Variants in PTH1R observed in about 807,000 individuals in gnomAD.
The protein encoded by PTH1R is parathyroid hormone/parathyroid hormone-related peptide receptor.
In PTH1R, 32 loss-of-function variants were observed where a neutral mutation model predicts 70.7. The ratio of observed to expected loss-of-function variants is 0.45; its 90% CI spans 0.34 to 0.61. PTH1R has a LOEUF of 0.61. Among genes scored for constraint, PTH1R ranks in the 20% least tolerant of loss-of-function variants. The pLI, the probability that PTH1R is intolerant of heterozygous loss-of-function variation, is 0.01. For synonymous variants in PTH1R, 329 were observed against 324.8 expected, an observed-to-expected ratio of 1.01 and a Z score of -0.14; for missense variants, 626 against 792.5, an observed-to-expected ratio of 0.79 and a Z score of 2.52.
Position 46,898,088 on chromosome 3 carries a change from C to T in PTH1R, c.439C>T (p.Arg147Cys), listed in dbSNP as rs1323321129. The stretch of plus-strand genomic sequence containing the variant: ...TGGACCTGCAGGCCATGCCTACCGA[C>T]GCTGTGACCGCAATGGCAGCTGGGA... ...DFNHKGHAYRRCDRNGSWELV... is the reference protein window; with the variant it reads ...DFNHKGHAYRCCDRNGSWELV... The change falls in exon 7 of 16, where the codon CGC becomes TGC. Residue 147 changes from arginine (R) to cysteine (C), a missense_variant. Physicochemically the swap from Arg to Cys is radical, Grantham distance 180 (BLOSUM62 -3). This residue lies in a region of PTH1R where 495 missense variants were observed against 638.7 expected (regional missense o/e 0.77). Coordinates refer to ENST00000449590, the MANE Select transcript of PTH1R (RefSeq NM_000316.3). The T allele has an allele frequency of 7.4e-6, 12 of 1,614,110 alleles. No homozygotes were observed. Among genetic ancestry groups the T allele is most frequent in the South Asian group, 2.2e-5 (2 of 91,090 alleles).
chr3:46,891,157 C>G lies in PTH1R; in HGVS notation c.76-2750C>G, dbSNP rs755244250. On this transcript the variant is annotated intron_variant, in intron 3 of 15. Transcript: ENST00000449590. This position sits in a 1 kb window ranked among gnomAD's most constrained non-coding sequence, Gnocchi z 4.3. ...AGGGAGGCCAGAGGTGGGGCCACCA[C>G]CCCTATGGATGAATGAAGGAGTGTG... Among the ~76,000 whole-genome samples the G allele has an allele frequency of 6.6e-6, 1 of 152,270 alleles. No individual in the cohort carries two copies. The highest frequency in any genetic ancestry group is 2.4e-5 in the African/African-American group (1 of 41,478).
At position 46,902,764 on chromosome 3, in the gene PTH1R, A is replaced by T; in HGVS notation, c.1369A>T (p.Ile457Phe). The change falls in exon 15 of 16, where the codon ATC (isoleucine) becomes TTC (phenylalanine). Residue 457 changes from isoleucine (I) to phenylalanine (F), a missense_variant. Physicochemically the swap from Ile to Phe is conservative, Grantham distance 21. Coordinates refer to ENST00000449590, the MANE Select transcript of PTH1R (RefSeq NM_000316.3). This position sits in a 1 kb window ranked among gnomAD's most constrained non-coding sequence, Gnocchi z 5.4. ...FNSFQGFFVA[I>F]IYCFCNGEVQ... ...CTCTTCACAGGGATTTTTTGTCGCA[A>T]TCATATACTGTTTCTGCAATGGCGA... 1 of 1,613,738 alleles carries T rather than the reference A, an allele frequency of 6.2e-7. No homozygotes were observed. The highest frequency in any genetic ancestry group is 8.5e-7 in the Non-Finnish European group (1 of 1,179,976).
In PTH1R at chr3:46,903,775, A is replaced by G; in HGVS notation, c.*119A>G. 1 of 1,497,282 alleles carries G rather than the reference A, an allele frequency of 6.7e-7. No individual in the cohort carries two copies. The highest frequency in any genetic ancestry group is 9.0e-7 in the Non-Finnish European group (1 of 1,116,280). 92.7% of individuals were successfully genotyped at this position (1,497,282 alleles called of 1,614,324 possible). A position where few individuals can be genotyped will look rare whatever the true frequency, so the allele number is the denominator to read the frequency against. On this transcript the variant is annotated 3_prime_UTR_variant, in exon 16 of 16. Coordinates refer to ENST00000449590, the MANE Select transcript of PTH1R (RefSeq NM_000316.3). The surrounding 1 kb of genome is among the most constrained non-coding windows in gnomAD (Gnocchi z 4.4). Reference sequence around the variant, plus strand: ...AAGAGGAAAAACAGGGAAAAAAAGAAAAAAAAAAGAAAAAGGAAAAGGAAG... The same window carrying G: ...AAGAGGAAAAACAGGGAAAAAAAGAGAAAAAAAAGAAAAAGGAAAAGGAAG...
chr3:46,894,113 G>A (rs1040497580), intron 4 of PTH1R, 104 bp downstream of exon 4: 3 of 1,232,470 alleles, frequency 2.4e-6, no homozygotes, highest in African/African-American at 1.5e-5. Flanking sequence ...CTCTGTGGGG[G>A]CGGACTTAGG....
chr3:46,888,210 T>C (rs2031160468), intron 3 of PTH1R, among the ~76,000 whole-genome samples: 1 of 152,268 alleles, frequency 6.6e-6, no homozygotes, highest in Non-Finnish European at 1.5e-5. Flanking sequence ...CAGTGACTTC[T>C]GGGCTTTACA....
In PTH1R at chr3:46,882,982, C is replaced by T. The variant is rs1026801251; in HGVS notation, c.-48-530C>T. Among the ~76,000 whole-genome samples, 4 of 151,932 alleles carry T rather than the reference C, an allele frequency of 2.6e-5. No homozygotes were observed. Among genetic ancestry groups the T allele is most frequent in the Non-Finnish European group, 1.5e-5 (1 of 67,950 alleles). ...CCCTAACTGCACGCCCCGCGCGGCTCAGAACGCGCCCCCTGCCCGGCCCTG... is the reference window on the plus strand; with the variant it reads ...CCCTAACTGCACGCCCCGCGCGGCTTAGAACGCGCCCCCTGCCCGGCCCTG... On this transcript the variant is annotated intron_variant, in intron 2 of 15. Coordinates refer to ENST00000449590, the MANE Select transcript of PTH1R (RefSeq NM_000316.3). The surrounding 1 kb of genome is among the most constrained non-coding windows in gnomAD (Gnocchi z 4.3).
In PTH1R at chr3:46,884,093, G is replaced by A. The variant is rs1044047831; in HGVS notation, c.75+459G>A. On this transcript the variant is annotated intron_variant, in intron 3 of 15. Coordinates refer to ENST00000449590, the MANE Select transcript of PTH1R (RefSeq NM_000316.3). The surrounding 1 kb of genome is among the most constrained non-coding windows in gnomAD (Gnocchi z 4.8). ...ATCCAGGCAGGGGGTAGGATTTAGG[G>A]GCCCCCTCCAGCCCTCACACACACA... 7.2e-5 allele frequency among the ~76,000 whole-genome samples: 11 copies of A among 152,152 alleles called. No homozygotes were observed. Among genetic ancestry groups the A allele is most frequent in the African/African-American group, 2.2e-4 (9 of 41,434 alleles).
At chr3:46,899,990 G>A (rs1414226056) in intron 10 of PTH1R, among the ~76,000 whole-genome samples, 1 of 152,256 alleles carries the variant, frequency 6.6e-6, no homozygotes, top group East Asian at 1.9e-4. Context: ...GGTTGCTGGA[G>A]CTGCGCACTC....
chr3:46,895,271 C>T (rs546858984), intron 4 of PTH1R, among the ~76,000 whole-genome samples: 6 of 152,136 alleles, frequency 3.9e-5, no homozygotes, highest in African/African-American at 4.8e-5. Flanking sequence ...TGTCTTCTCA[C>T]CACCAGCTTC....
chr3:46,889,170 C>T (rs1274157947), intron 3 of PTH1R, among the ~76,000 whole-genome samples: 1 of 152,146 alleles, frequency 6.6e-6, no homozygotes, highest in Non-Finnish European at 1.5e-5. Context: ...TCCTGTTAGC[C>T]AGGGTTTTCT....
In PTH1R at chr3:46,902,317, G is replaced by A. The variant is rs117096847; in HGVS notation, c.1212-209G>A. ...ACAGGGGGACTGTCATTTGAAGTCC[G>A]CTCCGGGACACCGCTGAGAACCAAC... is the stretch of plus-strand genomic sequence containing the variant. On this transcript the variant is annotated intron_variant, in intron 13 of 15. Transcript: ENST00000449590. The surrounding 1 kb of genome is among the most constrained non-coding windows in gnomAD (Gnocchi z 5.4). Among the ~76,000 whole-genome samples, 122 of 152,278 alleles carry A rather than the reference G, an allele frequency of 8.0e-4. 1 individual carries two copies. In the East Asian group the frequency reaches 0.016, roughly 20 times the overall value.
intron 1 of PTH1R, among the ~76,000 whole-genome samples, 164 bp downstream of exon 1, chr3:46,878,007 G>A (rs1198734834): frequency 6.6e-6 from 1 of 152,220 alleles, no homozygotes; most frequent in Non-Finnish European, 1.5e-5. Flanking sequence ...GACAGCAGGG[G>A]GCTTGTAACC....
At chr3:46,890,496 C>CT (rs71619664) in intron 3 of PTH1R, among the ~76,000 whole-genome samples, 4,180 of 71,928 alleles carry the variant, frequency 0.058, 325 homozygotes, top group African/African-American at 0.14. Context: ...TTCACAGCAG[C>CT]TTTTTTTTTT....
At position 46,900,621 on chromosome 3, in the gene PTH1R, G is replaced by A. The variant is rs1277350171; in HGVS notation, c.989-404G>A. 2.0e-5 allele frequency among the ~76,000 whole-genome samples: 3 copies of A among 152,088 alleles called. No homozygotes were observed. In the East Asian group the frequency reaches 5.8e-4, roughly 29 times the overall value. On this transcript the variant is annotated intron_variant, in intron 10 of 15. Transcript: ENST00000449590. The stretch of plus-strand genomic sequence containing the variant: ...GGGCTAGGACCTTTCAAACCAGGTT[G>A]TGGGGGGTGCTGTGCTGGGGCAAAA...
rs1422969235 is a variant in PTH1R, at chr3:46,903,403, C to A, written c.1529C>A (p.Pro510His). The change falls in exon 16 of 16, where the codon CCC becomes CAC. Residue 510 changes from proline to histidine, a missense_variant. This residue lies in a region of PTH1R where 495 missense variants were observed against 638.7 expected (regional missense o/e 0.77). Coordinates refer to ENST00000449590, the MANE Select transcript of PTH1R (RefSeq NM_000316.3). This position sits in a 1 kb window ranked among gnomAD's most constrained non-coding sequence, Gnocchi z 4.4. ...VSHTSVTNVG[P>H]RVGLGLPLSP... is the part of the protein sequence containing the mutation. ...CACACAAGTGTGACCAATGTCGGCC[C>A]CCGTGTGGGACTCGGCCTGCCCCTC... is the stretch of plus-strand genomic sequence containing the variant. The A allele has an allele frequency of 6.2e-7, 1 of 1,613,416 alleles. No homozygotes were observed. The highest frequency in any genetic ancestry group is 8.5e-7 in the Non-Finnish European group (1 of 1,179,810).
chr3:46,882,304 C>T lies in PTH1R; in HGVS notation c.-49+1186C>T. The T allele has an allele frequency of 6.6e-6, 1 of 150,958 alleles. No homozygotes were observed. Among genetic ancestry groups the T allele is most frequent in the Non-Finnish European group, 1.5e-5 (1 of 67,582 alleles). The allele number at this position is 150,958 out of a possible 1,614,324, so 9.4% of individuals were successfully genotyped here. A position where few individuals can be genotyped will look rare whatever the true frequency, so the allele number is the denominator to read the frequency against. ...CGCGGCGGGCGGTGGCTCCGAGCGG[C>T]GGCCGGGCGGGGGGCGCTGGAGGCC... is the stretch of plus-strand genomic sequence containing the variant. On this transcript the variant is annotated intron_variant, in intron 2 of 15. Coordinates refer to ENST00000449590, the MANE Select transcript of PTH1R (RefSeq NM_000316.3). The surrounding 1 kb of genome is among the most constrained non-coding windows in gnomAD (Gnocchi z 4.3).
chr3:46,901,531 C>G lies in PTH1R; in HGVS notation c.1116+51C>G, dbSNP rs776022941. The G allele has an allele frequency of 6.5e-7, 1 of 1,546,478 alleles. No homozygotes were observed. Among genetic ancestry groups the G allele is most frequent in the African/African-American group, 1.4e-5 (1 of 73,116 alleles). ...CAGGGGTGGGTGGGATGTGCGCCTG[C>G]GTCCCCTGGAACCAGCCCCTGACAG... On this transcript the variant is annotated intron_variant, in intron 12 of 15. Transcript: ENST00000449590. The surrounding 1 kb of genome is among the most constrained non-coding windows in gnomAD (Gnocchi z 7.3).
intron 10 of PTH1R, 110 bp downstream of exon 10, chr3:46,899,566 G>A: frequency 7.2e-7 from 1 of 1,389,578 alleles, no homozygotes; most frequent in Non-Finnish European, 9.8e-7. Flanking sequence ...CGCCCCAAGT[G>A]GAACAGCAGG....
rs1476747452 is a variant in PTH1R, at chr3:46,895,068, AAAAAAAC to A, written c.179-660_179-654del. Among the ~76,000 whole-genome samples, 31 of 105,822 alleles carry A rather than the reference AAAAAAAC, an allele frequency of 2.9e-4. No individual in the cohort carries two copies. The South Asian group carries it at 0.01, about 35-fold the overall frequency. The allele number at this position is 105,822 out of a possible 152,430, so 69.4% of individuals were successfully genotyped here. A position where few individuals can be genotyped will look rare whatever the true frequency, so the allele number is the denominator to read the frequency against. On this transcript the variant is annotated intron_variant, in intron 4 of 15. Coordinates refer to ENST00000449590, the MANE Select transcript of PTH1R (RefSeq NM_000316.3). Reference sequence around the variant, plus strand: ...GATAGAGGGAGACCTTGTCTCAAAAAAAAAAACAAAAAAAACAAACAAACAAAAAAAA... The same window carrying A: ...GATAGAGGGAGACCTTGTCTCAAAAAAAAAAAAACAAACAAACAAAAAAAA...
Sources: allele counts gnomAD v4.1 joint callset (sites outside exome capture counted in the v4.1 genomes callset), GRCh38; gene constraint gnomAD v4.1.1; regional missense constraint gnomAD v4.1.1; non-coding constraint Gnocchi (gnomAD v3.1); transcripts MANE v1.5; gene names NCBI Gene and HGNC (gene_info 2026-07-23, HGNC 2026-07-21).